Variants in SEMA3C observed in about 807,000 individuals in gnomAD.
SEMA3C encodes semaphorin-3C.
Under a neutral mutation model 89.4 loss-of-function variants are expected in SEMA3C, and 47 were observed. The observed-to-expected ratio is 0.53, with a 90% CI of 0.42 to 0.67. The LOEUF (loss-of-function observed/expected upper bound fraction) is 0.67. SEMA3C is among the 30% of genes least tolerant of loss of function. The pLI, the probability that SEMA3C is intolerant of heterozygous loss-of-function variation, is 0.00. For synonymous variants in SEMA3C, 310 were observed against 320.2 expected, an observed-to-expected ratio of 0.97 and a Z score of 0.34; for missense variants, 839 against 929.1, an observed-to-expected ratio of 0.90 and a Z score of 1.26.
At chr7:80,849,538 C>T (rs1790464137) in intron 2 of SEMA3C, among the ~76,000 whole-genome samples, 1 of 152,030 alleles carries the variant, frequency 6.6e-6, no homozygotes, top group Non-Finnish European at 1.5e-5. Context: ...GATAATGATG[C>T]ACCTTTTCAT....
chr7:80,758,179 T>C lies in SEMA3C; in HGVS notation c.1643+152A>G, dbSNP rs1316379940. The C allele has an allele frequency of 3.8e-6, 3 of 791,212 alleles. No homozygotes were observed. In the East Asian group the frequency reaches 7.6e-5, roughly 20 times the overall value. 49.0% of individuals were successfully genotyped at this position (791,212 alleles called of 1,614,324 possible). A position where few individuals can be genotyped will look rare whatever the true frequency, so the allele number is the denominator to read the frequency against. On this transcript the variant is annotated intron_variant, in intron 15 of 17. Coordinates refer to ENST00000265361, the MANE Select transcript of SEMA3C (RefSeq NM_006379.5). ...CAAGTTATAACACATTACCATTTTC[T>C]TCATTCAAAGACTATGTGTGGTGTT...
At position 80,821,648 on chromosome 7, in the gene SEMA3C, T is replaced by C. The variant is rs1208371355; in HGVS notation, c.328-3230A>G. ...GTTAGCCAGGATGCACAGTTGTTTT[T>C]ATAAGTTAATACTGATATAACTTTT... is the stretch of plus-strand genomic sequence containing the variant. On this transcript the variant is annotated intron_variant, in intron 4 of 17. Transcript: ENST00000265361. Among the ~76,000 whole-genome samples the C allele has an allele frequency of 2.0e-5, 3 of 152,240 alleles. No homozygotes were observed. In the East Asian group the frequency reaches 5.8e-4, roughly 29 times the overall value.
At chr7:80,881,227 T>C (rs1791333405) in intron 2 of SEMA3C, among the ~76,000 whole-genome samples, 1 of 149,734 alleles carries the variant, frequency 6.7e-6, no homozygotes, top group Non-Finnish European at 1.5e-5. Context: ...TCATGTAAAG[T>C]TTTTCAATCA....
At chr7:80,820,443 A>C (rs1341733620) in intron 4 of SEMA3C, among the ~76,000 whole-genome samples, 1 of 152,052 alleles carries the variant, frequency 6.6e-6, no homozygotes, top group Non-Finnish European at 1.5e-5. Context: ...TAGAAGTTAA[A>C]ATTAAAGTCA....
chr7:80,766,394 C>T (rs371193219), intron 12 of SEMA3C, among the ~76,000 whole-genome samples: 7 of 151,258 alleles, frequency 4.6e-5, no homozygotes, highest in East Asian at 4.0e-4. Context: ...AACATAAAGC[C>T]GATTCAAACT....
intron 4 of SEMA3C, among the ~76,000 whole-genome samples, chr7:80,821,513 G>A (rs1004202579): frequency 3.1e-4 from 47 of 151,888 alleles, no homozygotes; most frequent in African/African-American, 1.1e-3. Context: ...TCCGCTTCCC[G>A]GGTTCAAGAA....
chr7:80,788,931 T>G (rs1029001090), intron 12 of SEMA3C, among the ~76,000 whole-genome samples: 5 of 152,184 alleles, frequency 3.3e-5, no homozygotes, highest in Non-Finnish European at 5.9e-5. Context: ...TTTTTCTTTT[T>G]CCATTGAGAC....
intron 2 of SEMA3C, among the ~76,000 whole-genome samples, chr7:80,857,995 A>G (rs1790679506): frequency 6.6e-6 from 1 of 152,158 alleles, no homozygotes; most frequent in Non-Finnish European, 1.5e-5. Context: ...CAAAACTTCT[A>G]TAATATTCAG....
At chr7:80,792,838 A>T (rs1009233454) in intron 11 of SEMA3C, among the ~76,000 whole-genome samples, 5 of 152,172 alleles carry the variant, frequency 3.3e-5, no homozygotes, top group African/African-American at 1.2e-4. Flanking sequence ...AGTGCTAATA[A>T]TGTAACACAA....
In SEMA3C at chr7:80,744,190, T is replaced by G. The variant is rs907324185; in HGVS notation, c.*704A>C. 1 of 152,102 alleles carries G rather than the reference T, an allele frequency of 6.6e-6. No homozygotes were observed. The highest frequency in any genetic ancestry group is 1.9e-4 in the East Asian group (1 of 5,188). The allele number at this position is 152,102 out of a possible 1,614,324, so 9.4% of individuals were successfully genotyped here. The stretch of plus-strand genomic sequence containing the variant: ...TGTTTGGAAGGTGATAACATAAGAA[T>G]ATAAACCAAACTGCTTCACTGATAT... On this transcript the variant is annotated 3_prime_UTR_variant, in exon 18 of 18. Transcript: ENST00000265361.
upstream of SEMA3C, chr7:80,919,100 T>C (rs1393875515): frequency 4.0e-4 from 392 of 984,996 alleles, 5 homozygotes; most frequent in Non-Finnish European, 1.9e-5. Context: ...GGTGTCCGAT[T>C]ACAGCGCCGC....
intron 2 of SEMA3C, among the ~76,000 whole-genome samples, chr7:80,895,298 A>G (rs1017720255): frequency 3.9e-5 from 6 of 152,172 alleles, no homozygotes; most frequent in Non-Finnish European, 7.3e-5. Flanking sequence ...AAAGGGCAGA[A>G]AGCAATGGAA....
At chr7:80,778,271 T>C (rs1788597316) in intron 12 of SEMA3C, among the ~76,000 whole-genome samples, 1 of 152,240 alleles carries the variant, frequency 6.6e-6, no homozygotes, top group Non-Finnish European at 1.5e-5. Context: ...GAATTGTTTC[T>C]ATTTATATTT....
At chr7:80,835,449 T>C (rs1223564819) in intron 2 of SEMA3C, among the ~76,000 whole-genome samples, 2 of 152,160 alleles carry the variant, frequency 1.3e-5, no homozygotes, top group Non-Finnish European at 2.9e-5. Flanking sequence ...TTCAGAGATA[T>C]TGCTACTGAC....
At chr7:80,921,707 A>G (rs1792412411), upstream of SEMA3C, among the ~76,000 whole-genome samples, 2 of 152,224 alleles carry the variant, frequency 1.3e-5, no homozygotes, top group South Asian at 4.1e-4. Flanking sequence ...ACGAGCGGCC[A>G]AACTAAAATA....
intron 6 of SEMA3C, among the ~76,000 whole-genome samples, chr7:80,809,277 A>C (rs1354070905): frequency 1.3e-5 from 2 of 152,154 alleles, no homozygotes; most frequent in African/African-American, 4.8e-5. Flanking sequence ...TTGGCATAGC[A>C]ATTTTTAGAC....
chr7:80,783,144 T>C (rs1410612286), intron 12 of SEMA3C, among the ~76,000 whole-genome samples: 1 of 152,186 alleles, frequency 6.6e-6, no homozygotes, highest in Non-Finnish European at 1.5e-5. Context: ...TGCTGCTTTT[T>C]GAAACAAATT....
chr7:80,828,762 C>A lies in SEMA3C; in HGVS notation c.104-17G>T, dbSNP rs752183762. On this transcript the variant is annotated splice_polypyrimidine_tract_variant and intron_variant, in intron 2 of 17. Transcript: ENST00000265361. ...CTCGAAGTTCTGAAAGAGTGAACAG[C>A]ACAAGTGTAGATACAGTATCCTGGT... 1.9e-6 allele frequency: 3 copies of A among 1,590,644 alleles called. No individual in the cohort carries two copies. Among genetic ancestry groups the A allele is most frequent in the Non-Finnish European group, 2.6e-6 (3 of 1,164,802 alleles).
At chr7:80,775,938 A>T (rs1474912857) in intron 12 of SEMA3C, among the ~76,000 whole-genome samples, 1 of 152,124 alleles carries the variant, frequency 6.6e-6, no homozygotes, top group African/African-American at 2.4e-5. Context: ...ATCTTAGGCA[A>T]TAACAATATA....
Sources: allele counts gnomAD v4.1 joint callset (sites outside exome capture counted in the v4.1 genomes callset), GRCh38; gene constraint gnomAD v4.1.1; transcripts MANE v1.5; gene names NCBI Gene and HGNC (gene_info 2026-07-23, HGNC 2026-07-21).